Variants in SGCZ observed in about 807,000 individuals in gnomAD.
SGCZ encodes zeta-sarcoglycan.
In SGCZ, 40 loss-of-function variants were observed where a neutral mutation model predicts 41.3. That is an observed-to-expected ratio of 0.97 (90% CI 0.75 to 1.26). The LOEUF is 1.26. SGCZ is among the 50% of genes most tolerant of loss of function. The pLI is 0.00. For missense variants in SGCZ, 552 were observed against 369.8 expected, an observed-to-expected ratio of 1.49 and a Z score of -4.04; for synonymous variants, 206 against 137.5, an observed-to-expected ratio of 1.50 and a Z score of -3.49.
intron 2 of SGCZ, among the ~76,000 whole-genome samples, chr8:14,548,767 A>C (rs1219939942): frequency 6.6e-6 from 1 of 152,158 alleles, no homozygotes; most frequent in Non-Finnish European, 1.5e-5. Context: ...TTAAAAAATC[A>C]AAGTGAGTTC....
chr8:14,381,357 G>A (rs540357403), intron 2 of SGCZ, among the ~76,000 whole-genome samples: 11 of 152,272 alleles, frequency 7.2e-5, no homozygotes, highest in Admixed American at 4.6e-4. Context: ...AAATTATTCA[G>A]GTCCAGCCAT....
chr8:14,775,467 G>C (rs868774824), intron 1 of SGCZ, among the ~76,000 whole-genome samples: 20,375 of 147,464 alleles, frequency 0.14, 1,429 homozygotes, highest in Middle Eastern at 0.16. Context: ...TTGAGTGTGT[G>C]TGTGTGTGTG....
At chr8:14,498,699 A>G (rs1479905326) in intron 2 of SGCZ, among the ~76,000 whole-genome samples, 1 of 152,066 alleles carries the variant, frequency 6.6e-6, no homozygotes, top group African/African-American at 2.4e-5. Context: ...GTTGATTAAA[A>G]TTGAATATGT....
intron 4 of SGCZ, among the ~76,000 whole-genome samples, chr8:14,223,680 A>G (rs35672783): frequency 0.24 from 36,294 of 152,126 alleles, 5,558 homozygotes; most frequent in Non-Finnish European, 0.34. Flanking sequence ...CAGCATTCTC[A>G]TGAATGCCAT....
intron 3 of SGCZ, among the ~76,000 whole-genome samples, chr8:14,290,166 C>A (rs1174605312): frequency 1.3e-5 from 2 of 152,006 alleles, no homozygotes; most frequent in Non-Finnish European, 2.9e-5. Flanking sequence ...TAAACCTTAT[C>A]TTTTATCATA....
chr8:14,933,536 A>G (rs1351245676), intron 1 of SGCZ, among the ~76,000 whole-genome samples: 3 of 143,558 alleles, frequency 2.1e-5, no homozygotes, highest in African/African-American at 7.8e-5. Flanking sequence ...CGTTCACACC[A>G]TTCTCCTGCC....
intron 3 of SGCZ, among the ~76,000 whole-genome samples, chr8:14,301,060 AATC>A (rs58825148): frequency 0.017 from 2,520 of 147,986 alleles, 19 homozygotes; most frequent in South Asian, 0.031. Flanking sequence ...AACACAAGAA[AATC>A]ATCATCATCA....
At chr8:14,645,464 T>TTATATATATATATTTATA (rs1554472093) in intron 1 of SGCZ, among the ~76,000 whole-genome samples, 9 of 105,206 alleles carry the variant, frequency 8.6e-5, no homozygotes, top group African/African-American at 3.1e-4. Context: ...GTATCATTGA[T>TTATATATATATATTTATA]TATATATATA....
rs189653648 is a variant in SGCZ at position 14,712,528 on chromosome 8, G to A, written c.40-157602C>T. Among the ~76,000 whole-genome samples the A allele has an allele frequency of 2.1e-4, 32 of 152,188 alleles. 1 individual carries two copies. In the East Asian group the frequency reaches 6.2e-3, roughly 30 times the overall value. Reference sequence around the variant, plus strand: ...TGAATTTTAAAAGTGCTTCATTTGGGGAAAAATATTAGCAAAGTAATTCTT... The same window carrying A: ...TGAATTTTAAAAGTGCTTCATTTGGAGAAAAATATTAGCAAAGTAATTCTT... On this transcript the variant is annotated intron_variant, in intron 1 of 7. Transcript: ENST00000382080.
intron 2 of SGCZ, among the ~76,000 whole-genome samples, chr8:14,336,075 A>C (rs1446486523): frequency 1.3e-5 from 2 of 151,838 alleles, no homozygotes; most frequent in Non-Finnish European, 2.9e-5. Context: ...CCCACCTTCC[A>C]TCCTCTAGTA....
chr8:14,713,504 A>G (rs917447224), intron 1 of SGCZ, among the ~76,000 whole-genome samples: 4 of 152,130 alleles, frequency 2.6e-5, no homozygotes, highest in Admixed American at 6.6e-5. Context: ...AAACTGACCA[A>G]CTGACTCACA....
intron 1 of SGCZ, among the ~76,000 whole-genome samples, chr8:14,944,213 G>A (rs1402101672): frequency 6.6e-6 from 1 of 152,180 alleles, no homozygotes; most frequent in Admixed American, 6.5e-5. Context: ...AAGGAATGCT[G>A]CTACAGTTCT....
intron 1 of SGCZ, among the ~76,000 whole-genome samples, chr8:14,996,512 G>A (rs1164630186): frequency 6.6e-6 from 1 of 151,872 alleles, no homozygotes; most frequent in Non-Finnish European, 1.5e-5. Flanking sequence ...AGTGATCATT[G>A]AGCCTCAGCC....
intron 4 of SGCZ, among the ~76,000 whole-genome samples, chr8:14,195,487 A>G (rs1032619248): frequency 6.6e-6 from 1 of 152,156 alleles, no homozygotes; most frequent in Non-Finnish European, 1.5e-5. Context: ...AAGACAGAAA[A>G]AAATAATTGG....
intron 1 of SGCZ, among the ~76,000 whole-genome samples, chr8:15,197,117 T>C (rs1349086477): frequency 3.9e-5 from 6 of 152,164 alleles, no homozygotes; most frequent in Non-Finnish European, 5.9e-5. Flanking sequence ...GGTAGGGAAA[T>C]GGACTTAACC....
At chr8:14,972,135 A>T (rs542629436) in intron 1 of SGCZ, among the ~76,000 whole-genome samples, 3 of 152,148 alleles carry the variant, frequency 2.0e-5, no homozygotes, top group African/African-American at 7.2e-5. Flanking sequence ...TGTTTGATAG[A>T]ACTCTTCAGT....
At position 14,938,550 on chromosome 8, in the gene SGCZ, T is replaced by C. The variant is rs561238610; in HGVS notation, c.39+299035A>G. Among the ~76,000 whole-genome samples, 4 of 152,308 alleles carry C rather than the reference T, an allele frequency of 2.6e-5. No homozygotes were observed. In the South Asian group the frequency reaches 8.3e-4, roughly 32 times the overall value. On this transcript the variant is annotated intron_variant, in intron 1 of 7. Coordinates refer to ENST00000382080, the MANE Select transcript of SGCZ (RefSeq NM_139167.4). ...ATAAGAACACAGTATATAATATACA[T>C]AACATACAAATATGTGTTAACTATT...
intron 1 of SGCZ, among the ~76,000 whole-genome samples, chr8:14,855,044 T>G (rs910647242): frequency 6.6e-6 from 1 of 151,450 alleles, no homozygotes; most frequent in Non-Finnish European, 1.5e-5. Flanking sequence ...GGCATCTCCA[T>G]TATTTTATTT....
At chr8:14,480,093 A>T (rs1801493893) in intron 2 of SGCZ, among the ~76,000 whole-genome samples, 1 of 152,152 alleles carries the variant, frequency 6.6e-6, no homozygotes, top group Admixed American at 6.5e-5. Flanking sequence ...GTCTTCAATT[A>T]CTGTAATCCC....
Sources: gnomAD v4.1 joint callset for allele counts (sites outside exome capture counted in the v4.1 genomes callset) on GRCh38, gnomAD v4.1.1 for gene constraint, MANE v1.5 for transcripts, NCBI Gene and HGNC (gene_info 2026-07-23, HGNC 2026-07-21) for gene names.